Variants in RALYL observed in about 807,000 individuals in gnomAD.
The protein encoded by RALYL is RNA-binding Raly-like protein.
RALYL carries 29 observed loss-of-function variants against 35.1 expected under a neutral mutation model. The ratio of observed to expected loss-of-function variants is 0.83; its 90% CI spans 0.61 to 1.13. The LOEUF (loss-of-function observed/expected upper bound fraction) is 1.13, where lower values mean the gene tolerates loss of function less well. Ranked by LOEUF, RALYL falls within the 50% of genes most tolerant of loss-of-function variation. The pLI, the probability that RALYL is intolerant of heterozygous loss-of-function variation, is 0.00. For missense variants in RALYL, 359 were observed against 360.4 expected (o/e 1.00, Z 0.03); for synonymous variants, 120 against 127.6 (o/e 0.94, Z 0.40).
At chr8:84,354,370 G>A (rs529297962) in intron 1 of RALYL, among the ~76,000 whole-genome samples, 28 of 150,214 alleles carry the variant, frequency 1.9e-4, no homozygotes, top group African/African-American at 6.7e-4. Context: ...CAGCTCTTAG[G>A]AGTTTTTACT....
chr8:84,203,342 A>C (rs1242912750), intron 1 of RALYL, among the ~76,000 whole-genome samples: 1 of 152,068 alleles, frequency 6.6e-6, no homozygotes, highest in Non-Finnish European at 1.5e-5. Flanking sequence ...TACAGGAAGA[A>C]AATGATAAAT....
chr8:84,517,303 CAT>C (rs2058138935), intron 1 of RALYL, among the ~76,000 whole-genome samples: 1 of 152,100 alleles, frequency 6.6e-6, no homozygotes. Context: ...TATATAACAT[CAT>C]AACTTGATTA....
At chr8:84,716,257 C>T (rs1842928683) in intron 2 of RALYL, among the ~76,000 whole-genome samples, 1 of 139,630 alleles carries the variant, frequency 7.2e-6, no homozygotes, top group Admixed American at 6.9e-5. Flanking sequence ...TTTCTTCCCA[C>T]ACTTAACAGT....
intron 1 of RALYL, among the ~76,000 whole-genome samples, chr8:84,188,735 G>C (rs1335937538): frequency 6.6e-6 from 1 of 152,066 alleles, no homozygotes; most frequent in Non-Finnish European, 1.5e-5. Flanking sequence ...TTGATGTGCA[G>C]ACTGCATAGA....
intron 1 of RALYL, among the ~76,000 whole-genome samples, chr8:84,209,790 AT>A: frequency 6.6e-6 from 1 of 152,164 alleles, no homozygotes; most frequent in Admixed American, 6.5e-5. Flanking sequence ...GCATTCAAGT[AT>A]AGTGTTCTAA....
At chr8:84,398,842 C>T (rs1177135103) in intron 1 of RALYL, among the ~76,000 whole-genome samples, 1 of 151,958 alleles carries the variant, frequency 6.6e-6, no homozygotes, top group East Asian at 1.9e-4. Context: ...GGTGTGTTGG[C>T]ATGCGCCCGT....
chr8:84,841,613 A>C lies in RALYL; in HGVS notation c.366-8367A>C, dbSNP rs575998074. Reference sequence around the variant, plus strand: ...GACCTGAACTCAGCTCTGCACCAAGAGGACCTAATAGACATCTACAGAACT... The same window carrying C: ...GACCTGAACTCAGCTCTGCACCAAGCGGACCTAATAGACATCTACAGAACT... On this transcript the variant is annotated intron_variant, in intron 4 of 8. Transcript: ENST00000521268. Among the ~76,000 whole-genome samples, 4 of 152,240 alleles carry C rather than the reference A, an allele frequency of 2.6e-5. No homozygotes were observed. The South Asian group carries it at 8.3e-4, about 32-fold the overall frequency.
At chr8:84,249,084 A>G (rs916489314) in intron 1 of RALYL, among the ~76,000 whole-genome samples, 11 of 152,108 alleles carry the variant, frequency 7.2e-5, no homozygotes, top group Admixed American at 1.3e-4. Context: ...TTTAAAAAGA[A>G]CTGTGTTGGC....
chr8:84,228,154 C>CAAA (rs57543989), intron 1 of RALYL, among the ~76,000 whole-genome samples: 2 of 123,786 alleles, frequency 1.6e-5, no homozygotes, highest in Non-Finnish European at 3.5e-5. Flanking sequence ...AATAGTCTAG[C>CAAA]AAAAAAAAAA....
At chr8:84,524,269 C>A (rs867464387) in intron 1 of RALYL, among the ~76,000 whole-genome samples, 145 of 152,270 alleles carry the variant, frequency 9.5e-4, no homozygotes, top group Non-Finnish European at 1.8e-3. Context: ...AAACAAACAA[C>A]CCCATCAAAA....
intron 2 of RALYL, among the ~76,000 whole-genome samples, chr8:84,547,827 G>T (rs1280018044): frequency 2.0e-5 from 3 of 152,108 alleles, no homozygotes; most frequent in Non-Finnish European, 2.9e-5. Context: ...GAGTTCTCTG[G>T]TAAATGTTTA....
chr8:84,470,994 G>A (rs1039743947), intron 1 of RALYL, among the ~76,000 whole-genome samples: 1 of 152,136 alleles, frequency 6.6e-6, no homozygotes, highest in East Asian at 1.9e-4. Flanking sequence ...ATATTAGAAA[G>A]AACACTTTGG....
intron 1 of RALYL, among the ~76,000 whole-genome samples, chr8:84,262,806 T>C (rs1177697560): frequency 1.3e-5 from 2 of 152,166 alleles, no homozygotes; most frequent in Non-Finnish European, 2.9e-5. Flanking sequence ...AATAGTAGAA[T>C]ACATAGGTGT....
At chr8:84,395,513 T>C (rs181997789) in intron 1 of RALYL, among the ~76,000 whole-genome samples, 25 of 152,024 alleles carry the variant, frequency 1.6e-4, no homozygotes, top group African/African-American at 6.0e-4. Context: ...ATCAGTGTAA[T>C]CTGTAAATGA....
At chr8:84,867,230 T>C (rs574547715) in intron 6 of RALYL, among the ~76,000 whole-genome samples, 1 of 152,316 alleles carries the variant, frequency 6.6e-6, no homozygotes, top group South Asian at 2.1e-4. Context: ...CCCTCTATGT[T>C]ACAAGGGCAT....
At chr8:84,825,953 C>T (rs924466721) in intron 4 of RALYL, among the ~76,000 whole-genome samples, 2 of 151,990 alleles carry the variant, frequency 1.3e-5, no homozygotes, top group African/African-American at 2.4e-5. Flanking sequence ...ACACATACAC[C>T]ATGGAATACT....
intron 2 of RALYL, among the ~76,000 whole-genome samples, chr8:84,598,666 G>A (rs140322668): frequency 2.6e-5 from 4 of 152,136 alleles, no homozygotes; most frequent in African/African-American, 9.6e-5. Context: ...AGTCTTTTAG[G>A]TTTAAGGAGG....
At chr8:84,646,165 T>A (rs1827446804) in intron 2 of RALYL, among the ~76,000 whole-genome samples, 1 of 151,772 alleles carries the variant, frequency 6.6e-6, no homozygotes, top group Non-Finnish European at 1.5e-5. Flanking sequence ...TCTCTGACCC[T>A]TTTTCTTTTA....
chr8:84,281,656 T>A (rs942902536), intron 1 of RALYL, among the ~76,000 whole-genome samples: 2 of 152,128 alleles, frequency 1.3e-5, no homozygotes, highest in Non-Finnish European at 1.5e-5. Flanking sequence ...AACTTTTCTT[T>A]TTCCTTCTTT....
Sources: gnomAD v4.1 joint callset for allele counts (sites outside exome capture counted in the v4.1 genomes callset) on GRCh38, gnomAD v4.1.1 for gene constraint, MANE v1.5 for transcripts, NCBI Gene and HGNC (gene_info 2026-07-23, HGNC 2026-07-21) for gene names.